UGGT1: variants seen among roughly 807,000 people sequenced by gnomAD.
UGGT1 encodes UDP-glucose glycoprotein glucosyltransferase 1.
A neutral mutation model predicts 203.9 loss-of-function variants in UGGT1; 107 were observed. The observed-to-expected ratio is 0.52, with a 90% confidence interval of 0.45 to 0.62. The LOEUF is 0.62. UGGT1 is among the 20% of genes least tolerant of loss of function. The pLI is 0.00. For synonymous variants in UGGT1, 628 were observed against 653.5 expected (o/e 0.96, Z 0.59); for missense variants, 1,673 against 1,867.2 (o/e 0.90, Z 1.92).
intron 1 of UGGT1, among the ~76,000 whole-genome samples, chr2:128,092,369 C>T (rs1008576497): frequency 1.4e-5 from 2 of 143,540 alleles, no homozygotes; most frequent in African/African-American, 5.1e-5. Context: ...GGTCTTGTTA[C>T]CTACCAGTCT....
chr2:128,159,485 A>G, intron 22 of UGGT1, 29 bp from the exon 23 acceptor site: 2 of 1,594,792 alleles, frequency 1.3e-6, no homozygotes, highest in Non-Finnish European at 1.7e-6. Flanking sequence ...TATCTACAAT[A>G]TGACTCCCGT....
At position 128,125,731 on chromosome 2, in the gene UGGT1, GATAA is replaced by G. The variant is rs376993671; in HGVS notation, c.1135-1623_1135-1620del. Among the ~76,000 whole-genome samples the G allele has an allele frequency of 4.1e-3, 631 of 152,152 alleles. 6 individuals are homozygous for G. The highest frequency in any genetic ancestry group is 0.013 in the African/African-American group (553 of 41,528). ...ATTAGTGAATTAAGTACATCTGAGG[GATAA>G]ATAAATGTTTCTCAAATGTTTACTA... On this transcript the variant is annotated intron_variant, in intron 11 of 40. Transcript: ENST00000259253.
chr2:128,182,044 C>A, intron 36 of UGGT1, 86 bp from the exon 37 acceptor site: 1 of 1,410,106 alleles, frequency 7.1e-7, no homozygotes, highest in Non-Finnish European at 9.7e-7. Context: ...TCCATGCTGC[C>A]TTAAGCGAGC....
At chr2:128,135,717 T>G (rs1689102963) in intron 15 of UGGT1, among the ~76,000 whole-genome samples, 1 of 152,210 alleles carries the variant, frequency 6.6e-6, no homozygotes, top group Non-Finnish European at 1.5e-5. Flanking sequence ...ACTGCTAGGT[T>G]ATGTCCTACT....
intron 18 of UGGT1, among the ~76,000 whole-genome samples, chr2:128,147,165 G>C (rs1433670918): frequency 6.6e-6 from 1 of 152,144 alleles, no homozygotes; most frequent in East Asian, 1.9e-4. Flanking sequence ...GCACATGGTG[G>C]TACTCTCTCA....
chr2:128,121,261 A>T lies in UGGT1; in HGVS notation c.1036A>T (p.Met346Leu). Residue 346 changes from methionine (M) to leucine (L), a missense_variant, in exon 10 of 41, where the codon ATG (methionine) becomes TTG (leucine). Physicochemically the swap from Met to Leu is conservative, Grantham distance 15 (BLOSUM62 2). Transcript: ENST00000259253. Reference protein sequence around the residue: ...ASPVELALVVMKDLSQNFPTK... With the variant: ...ASPVELALVVLKDLSQNFPTK... ...TCCTGTTGAGTTGGCTTTGGTTGTC[A>T]TGAAGGATCTTAGTCAGAATTTTCC... is the stretch of plus-strand genomic sequence containing the variant. 6.2e-7 allele frequency: 1 copy of T among 1,613,328 alleles called. No homozygotes were observed.
intron 6 of UGGT1, among the ~76,000 whole-genome samples, chr2:128,114,279 G>A (rs1468625331): frequency 6.6e-6 from 1 of 151,988 alleles, no homozygotes; most frequent in Non-Finnish European, 1.5e-5. Context: ...CATCATGCCG[G>A]CTAATTTTTT....
chr2:128,109,532 A>G, intron 4 of UGGT1, 102 bp from the exon 5 acceptor site: 1 of 970,266 alleles, frequency 1.0e-6, no homozygotes, highest in Non-Finnish European at 1.6e-6. Context: ...AGTTTCAACA[A>G]TGTTGTTTTG....
At chr2:128,101,475 T>G (rs1687370418) in intron 2 of UGGT1, among the ~76,000 whole-genome samples, 5 of 152,238 alleles carry the variant, frequency 3.3e-5, no homozygotes. Context: ...ACTAAATATG[T>G]TTTCTGCAGC....
At chr2:128,104,310 A>G (rs1430954761) in intron 3 of UGGT1, among the ~76,000 whole-genome samples, 1 of 152,232 alleles carries the variant, frequency 6.6e-6, no homozygotes, top group Admixed American at 6.5e-5. Context: ...TTCATTTTAA[A>G]TCATTCAGTA....
chr2:128,124,000 C>T lies in UGGT1; in HGVS notation c.1134+754C>T, dbSNP rs188886374. ...TTGCTCTGTCACCCAGGCTGGAGTG[C>T]AGTGGCGTGATCTCAGCTCACTGCA... On this transcript the variant is annotated intron_variant, in intron 11 of 40. Coordinates refer to ENST00000259253, the MANE Select transcript of UGGT1 (RefSeq NM_020120.4). Among the ~76,000 whole-genome samples the T allele has an allele frequency of 3.3e-3, 505 of 152,298 alleles. 3 individuals carry two copies. Among genetic ancestry groups the T allele is most frequent in the Non-Finnish European group, 5.0e-3 (341 of 68,014 alleles).
At chr2:128,092,079 C>CACA (rs1242401003) in intron 1 of UGGT1, among the ~76,000 whole-genome samples, 3 of 152,198 alleles carry the variant, frequency 2.0e-5, no homozygotes, top group Non-Finnish European at 2.9e-5. Context: ...GCTACACTAA[C>CACA]TGTTTTGGAA....
chr2:128,118,915 C>A (rs10928805), intron 8 of UGGT1, among the ~76,000 whole-genome samples: 2 of 151,956 alleles, frequency 1.3e-5, no homozygotes, highest in South Asian at 2.1e-4. Flanking sequence ...AGGGATCTGC[C>A]CACCTTGGCC....
intron 15 of UGGT1, among the ~76,000 whole-genome samples, chr2:128,136,179 G>A (rs1689123006): frequency 6.6e-6 from 1 of 152,176 alleles, no homozygotes; most frequent in Non-Finnish European, 1.5e-5. Flanking sequence ...CTTTGTAGGA[G>A]CTCATGTGGT....
In UGGT1 at chr2:128,134,898, A is replaced by C. The variant is rs142418887; in HGVS notation, c.1520A>C (p.His507Pro). ...HNMVFIVDPA[H>P]ETTAELMNTA... is the part of the protein sequence containing the mutation. ...CAGGTTTTCATAGTTGATCCTGCAC[A>C]TGAGACCACAGCAGAGTTGATGAAC... The change falls in exon 15 of 41, where the codon CAT (histidine) becomes CCT (proline). Residue 507 changes from histidine to proline, a missense_variant. By Grantham distance (77) the His-to-Pro change is moderately conservative. Transcript: ENST00000259253. The C allele has an allele frequency of 9.3e-6, 15 of 1,613,932 alleles. No individual in the cohort carries two copies. In the East Asian group the frequency reaches 3.3e-4, roughly 36 times the overall value.
At chr2:128,171,626 G>A (rs191780053) in intron 28 of UGGT1, among the ~76,000 whole-genome samples, 6 of 152,260 alleles carry the variant, frequency 3.9e-5, no homozygotes, top group African/African-American at 1.4e-4. Context: ...TCCTGCTTCA[G>A]CCTCCTTAGT....
At chr2:128,124,111 A>G (rs1688503982) in intron 11 of UGGT1, among the ~76,000 whole-genome samples, 1 of 151,972 alleles carries the variant, frequency 6.6e-6, no homozygotes, top group African/African-American at 2.4e-5. Context: ...ACTCCCGGCT[A>G]ATTTTTTTGT....
Position 128,152,847 on chromosome 2 carries a change from C to T in UGGT1, c.2080C>T (p.Arg694Ter). ...CATGAATCAGCCAAATGTTGTTCCA[C>T]GAATCAATTCTAGGATTTTGACAGC... ...YIMNQPNVVP[R>*]INSRILTAER... is the part of the protein sequence containing the mutation. The change falls in exon 19 of 41, where the codon CGA becomes TGA. Residue 694 changes from arginine (R) to a stop codon, truncating the protein, a stop_gained. Transcript: ENST00000259253. LOFTEE classifies it high-confidence loss of function. 3.1e-6 allele frequency: 5 copies of T among 1,613,720 alleles called. No homozygotes were observed. The highest frequency in any genetic ancestry group is 1.1e-5 in the South Asian group (1 of 91,012).
At chr2:128,100,188 C>T (rs1687312710) in intron 2 of UGGT1, among the ~76,000 whole-genome samples, 1 of 151,750 alleles carries the variant, frequency 6.6e-6, no homozygotes, top group African/African-American at 2.4e-5. Context: ...CGGCGTGTGC[C>T]AGCATGCCTG....
Sources: gnomAD v4.1 joint callset for allele counts (sites outside exome capture counted in the v4.1 genomes callset) on GRCh38, gnomAD v4.1.1 for gene constraint, MANE v1.5 for transcripts, NCBI Gene and HGNC (gene_info 2026-07-23, HGNC 2026-07-21) for gene names.